The following SVOP variants were observed in gnomAD, a reference collection of about 807,000 sequenced individuals.
The protein encoded by SVOP is synaptic vesicle 2-related protein.
Under a neutral mutation model 69.1 loss-of-function variants are expected in SVOP, and 17 were observed. The ratio of observed to expected loss-of-function variants is 0.25; its 90% CI spans 0.17 to 0.37. The LOEUF (loss-of-function observed/expected upper bound fraction) is 0.37. Ranked by LOEUF, SVOP falls within the 10% of genes least tolerant of loss-of-function variation. SVOP has a pLI of 1.00. For synonymous variants in SVOP, 238 were observed against 238.6 expected, an observed-to-expected ratio of 1.00 and a Z score of 0.02; for missense variants, 435 against 597.5, an observed-to-expected ratio of 0.73 and a Z score of 2.84.
chr12:108,960,536 C>T (rs1001552904), intron 6 of SVOP, among the ~76,000 whole-genome samples: 1 of 152,098 alleles, frequency 6.6e-6, no homozygotes, highest in African/African-American at 2.4e-5. Context: ...TTGTAGTTAC[C>T]CACCATGTGA....
intron 3 of SVOP, among the ~76,000 whole-genome samples, chr12:108,978,195 T>C (rs912292548): frequency 1.3e-5 from 2 of 152,184 alleles, no homozygotes; most frequent in Non-Finnish European, 2.9e-5. Context: ...CTGTACTCTT[T>C]GCCATAGCCA....
At chr12:108,939,129 C>T (rs1055715666) in intron 8 of SVOP, among the ~76,000 whole-genome samples, 174 bp from the exon 9 acceptor site, 1 of 152,166 alleles carries the variant, frequency 6.6e-6, no homozygotes, top group South Asian at 2.1e-4. Context: ...TGACCCTGTA[C>T]AATTACTTGA....
chr12:108,966,554 A>T (rs1321807168), intron 5 of SVOP, among the ~76,000 whole-genome samples: 1 of 152,038 alleles, frequency 6.6e-6, no homozygotes, highest in Non-Finnish European at 1.5e-5. Flanking sequence ...TGGCTTGCAC[A>T]GTGTTCCTGG....
At chr12:108,979,208 C>T (rs1314961445) in intron 2 of SVOP, among the ~76,000 whole-genome samples, 1 of 110,562 alleles carries the variant, frequency 9.0e-6, no homozygotes, top group African/African-American at 3.0e-5. Flanking sequence ...CAATGTATTA[C>T]TTCCATGGCC....
intron 7 of SVOP, among the ~76,000 whole-genome samples, chr12:108,942,718 T>C (rs1177846068): frequency 1.3e-5 from 2 of 152,256 alleles, no homozygotes; most frequent in East Asian, 3.8e-4. Flanking sequence ...CCTGGGGTGG[T>C]AACACCCTGG....
intron 1 of SVOP, among the ~76,000 whole-genome samples, chr12:109,016,278 C>T (rs77243137): frequency 6.6e-6 from 1 of 152,194 alleles, no homozygotes; most frequent in East Asian, 1.9e-4. Flanking sequence ...AGTTTGAACC[C>T]AGATCTGCCT....
chr12:108,919,870 C>T, intron 12 of SVOP, 84 bp from the exon 13 acceptor site: 3 of 927,236 alleles, frequency 3.2e-6, no homozygotes, highest in Non-Finnish European at 5.1e-6. Context: ...TGTATCATCC[C>T]CTCCCCTGGA....
intron 1 of SVOP, among the ~76,000 whole-genome samples, chr12:109,006,561 T>G (rs1165104552): frequency 6.6e-6 from 1 of 151,974 alleles, no homozygotes; most frequent in Admixed American, 6.6e-5. Context: ...CCAAGAGCCT[T>G]TATTGTGGTT....
intron 12 of SVOP, 108 bp from the exon 13 acceptor site, chr12:108,919,894 T>G (rs1442331501): frequency 1.4e-6 from 1 of 695,960 alleles, no homozygotes; most frequent in East Asian, 2.8e-5. Flanking sequence ...TGGACTAGAC[T>G]TAGTGACTCA....
chr12:108,932,873 T>C (rs535275982), intron 11 of SVOP, among the ~76,000 whole-genome samples: 8 of 152,192 alleles, frequency 5.3e-5, no homozygotes, highest in African/African-American at 1.9e-4. Context: ...TACTCCCAAA[T>C]ATAATTCTTT....
intron 9 of SVOP, among the ~76,000 whole-genome samples, chr12:108,938,434 A>T (rs575488827): frequency 6.6e-6 from 1 of 152,286 alleles, no homozygotes; most frequent in South Asian, 2.1e-4. Context: ...GATCCCCTAG[A>T]TCTAAGCACA....
intron 1 of SVOP, among the ~76,000 whole-genome samples, chr12:108,992,473 C>G (rs1025667010): frequency 6.6e-6 from 1 of 151,860 alleles, no homozygotes; most frequent in Non-Finnish European, 1.5e-5. Flanking sequence ...CCTGAGAGGT[C>G]GAGGCTGCAG....
chr12:108,954,769 C>G (rs567115461), intron 6 of SVOP, among the ~76,000 whole-genome samples: 1 of 152,328 alleles, frequency 6.6e-6, no homozygotes, highest in African/African-American at 2.4e-5. Flanking sequence ...ATGATGCATG[C>G]CTGTAATCCC....
rs970758542 is a variant in SVOP at position 109,021,003 on chromosome 12, G to A, written c.-135C>T. On this transcript the variant is annotated 5_prime_UTR_variant, in exon 1 of 16. Transcript: ENST00000610966. Reference sequence around the variant, plus strand: ...CCTCCCTGGAGCAGCAGCTGTTCGGGGAGGGAGCCGCTGGGGACCAGCCCA... The same window carrying A: ...CCTCCCTGGAGCAGCAGCTGTTCGGAGAGGGAGCCGCTGGGGACCAGCCCA... The A allele has an allele frequency of 8.5e-6, 5 of 585,498 alleles. No individual in the cohort carries two copies. Among genetic ancestry groups the A allele is most frequent in the South Asian group, 4.0e-5 (2 of 50,426 alleles). 36.3% of individuals were successfully genotyped at this position (585,498 alleles called of 1,614,324 possible). A position where few individuals can be genotyped will look rare whatever the true frequency, so the allele number is the denominator to read the frequency against.
At chr12:109,013,639 C>T (rs2040353891) in intron 1 of SVOP, among the ~76,000 whole-genome samples, 1 of 152,104 alleles carries the variant, frequency 6.6e-6, no homozygotes, top group African/African-American at 2.4e-5. Context: ...ATCTGCCTGC[C>T]TTAGCCTCCC....
rs1348294553 is a variant in SVOP at position 108,997,756 on chromosome 12, T to C, written c.36-13995A>G. Among the ~76,000 whole-genome samples the C allele has an allele frequency of 2.9e-3, 444 of 151,724 alleles. 1 individual carries two copies. Among genetic ancestry groups the C allele is most frequent in the African/African-American group, 9.8e-3 (403 of 41,248 alleles). Reference sequence around the variant, plus strand: ...CAGACCTGCAGCTGAGGGTCCTGTCTGTTAGAAGGAAAACTAACAAACAGA... The same window carrying C: ...CAGACCTGCAGCTGAGGGTCCTGTCCGTTAGAAGGAAAACTAACAAACAGA... On this transcript the variant is annotated intron_variant, in intron 1 of 15. Coordinates refer to ENST00000610966, the MANE Select transcript of SVOP (RefSeq NM_018711.5).
intron 6 of SVOP, among the ~76,000 whole-genome samples, chr12:108,953,847 G>A (rs1593189305): frequency 1.3e-5 from 2 of 152,090 alleles, no homozygotes; most frequent in East Asian, 1.9e-4. Flanking sequence ...CGTGGTGGCT[G>A]ATGCCTGTAA....
At chr12:108,950,130 C>T (rs2039946007) in intron 6 of SVOP, among the ~76,000 whole-genome samples, 1 of 150,468 alleles carries the variant, frequency 6.6e-6, no homozygotes, top group African/African-American at 2.4e-5. Flanking sequence ...ATGGTGCAAT[C>T]ATAGCTCACT....
chr12:109,015,398 C>T (rs997496126), intron 1 of SVOP, among the ~76,000 whole-genome samples: 12 of 152,164 alleles, frequency 7.9e-5, no homozygotes, highest in Non-Finnish European at 1.6e-4. Context: ...CCAGCACAGA[C>T]ATCATTGCAA....
Sources: gnomAD v4.1 joint callset for allele counts (sites outside exome capture counted in the v4.1 genomes callset) on GRCh38, gnomAD v4.1.1 for gene constraint, MANE v1.5 for transcripts, NCBI Gene and HGNC (gene_info 2026-07-23, HGNC 2026-07-21) for gene names.